The following SHROOM3 variants were observed in gnomAD, a reference collection of about 807,000 sequenced individuals.
SHROOM3 encodes the protein protein Shroom3.
A neutral mutation model predicts 138.6 loss-of-function variants in SHROOM3; 47 were observed. The ratio of observed to expected loss-of-function variants is 0.34; its 90% CI spans 0.27 to 0.43. The LOEUF is 0.43. Among genes scored for constraint, SHROOM3 ranks in the 20% least tolerant of loss-of-function variants. SHROOM3 has a pLI of 1.00. For missense variants in SHROOM3, 2,491 were observed against 2,596.5 expected (o/e 0.96, Z 0.88); for synonymous variants, 1,062 against 1,063.3 (o/e 1.00, Z 0.02).
chr4:76,728,736 A>G (rs1720782098), intron 3 of SHROOM3, among the ~76,000 whole-genome samples: 1 of 151,942 alleles, frequency 6.6e-6, no homozygotes, highest in Non-Finnish European at 1.5e-5. Flanking sequence ...TTTTTGGCCT[A>G]TGTTTACCCC....
chr4:76,763,401 T>G (rs1168020022), intron 9 of SHROOM3, among the ~76,000 whole-genome samples: 1 of 149,932 alleles, frequency 6.7e-6, no homozygotes, highest in Non-Finnish European at 1.5e-5. Context: ...AAAAAAAAAT[T>G]AAAAAACTAA....
At chr4:76,752,829 A>T (rs1223107802) in intron 6 of SHROOM3, among the ~76,000 whole-genome samples, 3 of 152,220 alleles carry the variant, frequency 2.0e-5, no homozygotes, top group Non-Finnish European at 4.4e-5. Flanking sequence ...ATATTATTGT[A>T]TGTTTTAGTG....
intron 1 of SHROOM3, among the ~76,000 whole-genome samples, chr4:76,499,366 TTAATAAATAGTAG>T: frequency 6.6e-6 from 1 of 152,188 alleles, no homozygotes; most frequent in Non-Finnish European, 1.5e-5. Flanking sequence ...AAGTAGATAG[TTAATAAATAGTAG>T]TTATGATTAG....
At chr4:76,560,026 C>T (rs186527863) in intron 2 of SHROOM3, among the ~76,000 whole-genome samples, 1 of 152,256 alleles carries the variant, frequency 6.6e-6, no homozygotes, top group Admixed American at 6.5e-5. Flanking sequence ...AAAACATTCC[C>T]AAAGGAAAAT....
chr4:76,674,571 T>TG lies in SHROOM3; in HGVS notation c.324-35585_324-35584insG, dbSNP rs1169208838. ...CTTCCTTCCTTTTTTTTTTTTTTTT[T>TG]TTTTTGTTTTGACACAGGGTCTTGC... On this transcript the variant is annotated intron_variant, in intron 2 of 10. Transcript: ENST00000296043. 2.1e-5 allele frequency among the ~76,000 whole-genome samples: 3 copies of TG among 145,196 alleles called. No individual in the cohort carries two copies. In the East Asian group the frequency reaches 6.0e-4, roughly 29 times the overall value.
At chr4:76,600,513 C>T (rs574874040) in intron 2 of SHROOM3, among the ~76,000 whole-genome samples, 48 of 152,278 alleles carry the variant, frequency 3.2e-4, no homozygotes, top group Admixed American at 8.5e-4. Context: ...CTTGATATTA[C>T]ATTAATAATT....
intron 1 of SHROOM3, among the ~76,000 whole-genome samples, chr4:76,442,778 C>T (rs1434673997): frequency 6.6e-6 from 1 of 152,112 alleles, no homozygotes; most frequent in Non-Finnish European, 1.5e-5. Flanking sequence ...GCTAAAGACC[C>T]TTCATTGATT....
In SHROOM3 at chr4:76,743,423, G is replaced by T. The variant is rs192283622; in HGVS notation, c.3753+1497G>T. Among the ~76,000 whole-genome samples the T allele has an allele frequency of 9.8e-5, 15 of 152,334 alleles. No homozygotes were observed. The East Asian group carries it at 2.9e-3, about 29-fold the overall frequency. Reference sequence around the variant, plus strand: ...AAAAACAAAGTCATCATGGAAATCAGTTCCTCTGTATGTGACGATTGATCC... The same window carrying T: ...AAAAACAAAGTCATCATGGAAATCATTTCCTCTGTATGTGACGATTGATCC... On this transcript the variant is annotated intron_variant, in intron 5 of 10. Transcript: ENST00000296043.
At chr4:76,721,368 A>G (rs1185235281) in intron 3 of SHROOM3, among the ~76,000 whole-genome samples, 4 of 152,226 alleles carry the variant, frequency 2.6e-5, no homozygotes, top group African/African-American at 7.2e-5. Context: ...CACTATGTGG[A>G]CATGGTTATT....
intron 2 of SHROOM3, among the ~76,000 whole-genome samples, chr4:76,605,498 G>A (rs1217750487): frequency 1.3e-5 from 2 of 152,082 alleles, no homozygotes; most frequent in South Asian, 2.1e-4. Flanking sequence ...TCAGAGAACA[G>A]GCAGGTATGA....
At chr4:76,507,585 C>T (rs1204052562) in intron 1 of SHROOM3, among the ~76,000 whole-genome samples, 5 of 147,786 alleles carry the variant, frequency 3.4e-5, no homozygotes, top group Non-Finnish European at 4.4e-5. Flanking sequence ...TGCCCAGGCT[C>T]GAGTGCAGTG....
At chr4:76,451,204 C>A (rs1250373835) in intron 1 of SHROOM3, among the ~76,000 whole-genome samples, 1 of 152,172 alleles carries the variant, frequency 6.6e-6, no homozygotes, top group African/African-American at 2.4e-5. Flanking sequence ...CCTGCCTCAG[C>A]CTCCCAAAGT....
chr4:76,729,700 C>T (rs754967816), intron 3 of SHROOM3, among the ~76,000 whole-genome samples: 13 of 152,180 alleles, frequency 8.5e-5, no homozygotes, highest in African/African-American at 1.9e-4. Context: ...AAGTTAATAA[C>T]GAAGTCAGGG....
At chr4:76,691,705 GT>G (rs113151407) in intron 2 of SHROOM3, among the ~76,000 whole-genome samples, 7,410 of 152,108 alleles carry the variant, frequency 0.049, 600 homozygotes, top group African/African-American at 0.16. Flanking sequence ...GTGTGCCTGA[GT>G]TTTCTCCACT....
At chr4:76,622,051 G>A (rs574690739) in intron 2 of SHROOM3, among the ~76,000 whole-genome samples, 11 of 152,090 alleles carry the variant, frequency 7.2e-5, no homozygotes, top group African/African-American at 2.7e-4. Context: ...GGCTGGTCTT[G>A]AACTCCTTAC....
intron 1 of SHROOM3, among the ~76,000 whole-genome samples, chr4:76,555,160 C>T (rs1010264830): frequency 1.3e-5 from 2 of 152,136 alleles, no homozygotes; most frequent in East Asian, 1.9e-4. Context: ...ACTTGAACCA[C>T]GCCAAAACCA....
At chr4:76,659,015 G>T (rs1413044769) in intron 2 of SHROOM3, among the ~76,000 whole-genome samples, 2 of 131,144 alleles carry the variant, frequency 1.5e-5, no homozygotes, top group Non-Finnish European at 3.1e-5. Context: ...TCAAAACACT[G>T]TTATGATTAA....
Position 76,739,323 on chromosome 4 carries a change from C to G in SHROOM3, c.1150C>G (p.Leu384Val), listed in dbSNP as rs1230528807. The G allele has an allele frequency of 8.1e-6, 13 of 1,613,966 alleles. No individual in the cohort carries two copies. Among genetic ancestry groups the G allele is most frequent in the Non-Finnish European group, 1.1e-5 (13 of 1,179,924 alleles). ...CCTTCCTCCTAAGGTGGGTGCACCC[C>G]TGCCTCCAGCTCGGAGTGACAGTTA... ...DNLPPKVGAPLPPARSDSYAA... is the reference protein window; with the variant it reads ...DNLPPKVGAPVPPARSDSYAA... The change falls in exon 5 of 11, where the codon CTG becomes GTG. Residue 384 changes from leucine (L) to valine (V), a missense_variant. Coordinates refer to ENST00000296043, the MANE Select transcript of SHROOM3 (RefSeq NM_020859.4).
At chr4:76,558,338 T>C (rs1733529349) in intron 2 of SHROOM3, among the ~76,000 whole-genome samples, 1 of 152,222 alleles carries the variant, frequency 6.6e-6, no homozygotes, top group African/African-American at 2.4e-5. Context: ...GAAATGGAAA[T>C]AATCATTCTT....
Sources: allele counts gnomAD v4.1 joint callset (sites outside exome capture counted in the v4.1 genomes callset), GRCh38; gene constraint gnomAD v4.1.1; transcripts MANE v1.5; gene names NCBI Gene and HGNC (gene_info 2026-07-23, HGNC 2026-07-21).